KRT72: variants seen among roughly 807,000 people sequenced by gnomAD.
KRT72 encodes the protein keratin, type II cytoskeletal 72.
A neutral mutation model predicts 44.7 loss-of-function variants in KRT72; 44 were observed. The ratio of observed to expected loss-of-function variants is 0.98; its 90% CI spans 0.77 to 1.27. KRT72 has a LOEUF of 1.27. Ranked by LOEUF, KRT72 falls within the 50% of genes most tolerant of loss-of-function variation. KRT72 has a pLI of 0.00. For synonymous variants in KRT72, 302 were observed against 280.4 expected (o/e 1.08, Z -0.77); for missense variants, 736 against 667.1 (o/e 1.10, Z -1.14).
chr12:52,598,595 G>C (rs899169411), intron 2 of KRT72, among the ~76,000 whole-genome samples: 1 of 152,078 alleles, frequency 6.6e-6, no homozygotes, highest in Non-Finnish European at 1.5e-5. Flanking sequence ...TACATTCTGG[G>C]AACTGCCATG....
intron 6 of KRT72, 142 bp downstream of exon 6, chr12:52,590,694 C>T: frequency 1.3e-6 from 1 of 755,282 alleles, no homozygotes; most frequent in Admixed American, 2.7e-5. Context: ...TTTATCCCTC[C>T]ATATCTGTTC....
chr12:52,599,337 T>C (rs574503746), intron 1 of KRT72: 3 of 611,706 alleles, frequency 4.9e-6, no homozygotes, highest in African/African-American at 3.6e-5. Flanking sequence ...TAAGCAATGG[T>C]ACCATCTGCC....
At chr12:52,586,193 C>A (rs1170518548) in intron 8 of KRT72, 21 bp from the exon 9 acceptor site, 1 of 1,602,758 alleles carries the variant, frequency 6.2e-7, no homozygotes, top group Admixed American at 1.7e-5. Context: ...TGAGAGAAGA[C>A]CTCAGCCCCC....
intron 2 of KRT72, among the ~76,000 whole-genome samples, chr12:52,594,623 G>C (rs1352957388): frequency 7.0e-6 from 1 of 142,016 alleles, no homozygotes; most frequent in Non-Finnish European, 1.5e-5. Flanking sequence ...TGGGGGGAGG[G>C]ATAGCATTGG....
In KRT72 at chr12:52,601,211, CTGCCGAAGGCGG is replaced by C; in HGVS notation, c.230_241del (p.Thr77_Gly80del). ...GGGACACTTGGGCCCCAGCCCGGCGCTGCCGAAGGCGGTGCCCACGAAGCCGCCCAGGCGGCC... is the reference window on the plus strand; with the variant it reads ...GGGACACTTGGGCCCCAGCCCGGCGCTGCCCACGAAGCCGCCCAGGCGGCC... On this transcript the variant is annotated inframe_deletion, in exon 1 of 9. Coordinates refer to ENST00000293745, the MANE Select transcript of KRT72 (RefSeq NM_080747.3). 1.2e-6 allele frequency: 2 copies of C among 1,608,598 alleles called. No homozygotes were observed. The highest frequency in any genetic ancestry group is 8.5e-7 in the Non-Finnish European group (1 of 1,177,372).
upstream of KRT72, among the ~76,000 whole-genome samples, chr12:52,602,249 C>T (rs149149768): frequency 1.7e-3 from 255 of 152,288 alleles, no homozygotes; most frequent in African/African-American, 5.8e-3. Flanking sequence ...CTAAGGCTTT[C>T]GGTTGTTTTC....
Position 52,590,935 on chromosome 12 carries a change from G to A in KRT72, c.990C>T (p.Gly330=). The change falls in exon 6 of 9, where the codon GGC becomes GGT. Residue 330 remains glycine, a synonymous_variant. Transcript: ENST00000293745. ...TKIQELQVTA[G]QHGDDLKLTK... ...TGAGCTTGAGGTCATCCCCATGCTG[G>A]CCTGCTGTGACCTGCAGCTCCTGGA... The A allele has an allele frequency of 6.2e-7, 1 of 1,602,914 alleles. No individual in the cohort carries two copies. Among genetic ancestry groups the A allele is most frequent in the Non-Finnish European group, 8.5e-7 (1 of 1,172,240 alleles).
chr12:52,593,041 G>A, intron 2 of KRT72, 89 bp from the exon 3 acceptor site: 2 of 1,243,096 alleles, frequency 1.6e-6, no homozygotes, highest in East Asian at 2.6e-5. Context: ...GCTGCAGGGT[G>A]GGGGTCTTCA....
chr12:52,595,960 G>A (rs1241986458), intron 2 of KRT72, among the ~76,000 whole-genome samples: 1 of 152,194 alleles, frequency 6.6e-6, no homozygotes, highest in Non-Finnish European at 1.5e-5. Context: ...ATTGTCAGCT[G>A]ACAGATGGTT....
chr12:52,590,699 C>T, intron 6 of KRT72, 137 bp downstream of exon 6: 3 of 799,260 alleles, frequency 3.8e-6, no homozygotes, highest in Non-Finnish European at 5.6e-6. Context: ...CCCTCCATAT[C>T]TGTTCAGATC....
Position 52,601,291 on chromosome 12 carries a change from G to T in KRT72, c.162C>A (p.Gly54=). Residue 54 remains glycine (G), a synonymous_variant, in exon 1 of 9, where the codon GGC becomes GGA. Transcript: ENST00000293745. The stretch of plus-strand genomic sequence containing the variant: ...CAGCGCTGAGCGCCAGGCTTCGGCT[G>T]CCCCCAAGGCAGGAGAGGCTCTTGC... ...FGSKSLSCLG[G]SRSLALSAAA... The T allele has an allele frequency of 6.5e-7, 1 of 1,549,668 alleles. No individual in the cohort carries two copies. The highest frequency in any genetic ancestry group is 8.7e-7 in the Non-Finnish European group (1 of 1,148,170).
Position 52,591,609 on chromosome 12 carries a change from G to A in KRT72, c.818C>T (p.Ser273Phe). The change falls in exon 5 of 9, where the codon TCC (serine) becomes TTC (phenylalanine). Residue 273 changes from serine (S) to phenylalanine (F), a missense_variant. Coordinates refer to ENST00000293745, the MANE Select transcript of KRT72 (RefSeq NM_080747.3). ...GACGATGGACGTGTCGCTGATGTGG[G>A]ACTGGATCTGAGTGATCTCCTGGGG... Reference protein sequence around the residue: ...LYEGEITQIQSHISDTSIVLS... With the variant: ...LYEGEITQIQFHISDTSIVLS... 1.9e-6 allele frequency: 3 copies of A among 1,613,262 alleles called. No homozygotes were observed. The highest frequency in any genetic ancestry group is 1.7e-6 in the Non-Finnish European group (2 of 1,179,282).
In KRT72 at chr12:52,599,085, C is replaced by T. The variant is rs1302983584; in HGVS notation, c.454G>A (p.Val152Met). 4 of 1,614,162 alleles carry T rather than the reference C, an allele frequency of 2.5e-6. No individual in the cohort carries two copies. Among genetic ancestry groups the T allele is most frequent in the Admixed American group, 1.7e-5 (1 of 60,026 alleles). ...KVRFLEQQNQ[V>M]LETKWNLLQQ... The stretch of plus-strand genomic sequence containing the variant: ...AGGAGGTTCCACTTGGTCTCTAGCA[C>T]CTGATTCTGCTGCTCCAGGAACCGC... The change falls in exon 2 of 9, where the codon GTG becomes ATG. Residue 152 changes from valine (V) to methionine (M), a missense_variant. Transcript: ENST00000293745.
At chr12:52,588,248 C>A (rs1410164900) in intron 6 of KRT72, among the ~76,000 whole-genome samples, 1 of 152,192 alleles carries the variant, frequency 6.6e-6, no homozygotes, top group African/African-American at 2.4e-5. Flanking sequence ...TTTAGGAGAT[C>A]CCATAAATCA....
rs1939826945 is a variant in KRT72 at position 52,587,664 on chromosome 12, G to A, written c.1277C>T (p.Thr426Ile). The A allele has an allele frequency of 2.5e-6, 4 of 1,614,192 alleles. No individual in the cohort carries two copies. Among genetic ancestry groups the A allele is most frequent in the Non-Finnish European group, 3.4e-6 (4 of 1,180,040 alleles). The change falls in exon 7 of 9, where the codon ACC becomes ATC. Residue 426 changes from threonine (T) to isoleucine (I), a missense_variant. By Grantham distance (89) the Thr-to-Ile change is moderately conservative. Coordinates refer to ENST00000293745, the MANE Select transcript of KRT72 (RefSeq NM_080747.3). Reference sequence around the variant, plus strand: ...CTCGCTCTCCAGCAGCTTGCGGTAGGTGGCGATCTCCATATCCAGGGCCAG... The same window carrying A: ...CTCGCTCTCCAGCAGCTTGCGGTAGATGGCGATCTCCATATCCAGGGCCAG... ...LKLALDMEIA[T>I]YRKLLESEEC...
chr12:52,601,203 G>T lies in KRT72; in HGVS notation c.250C>A (p.Leu84Met). ...CACACGGAGGGACACTTGGGCCCCA[G>T]CCCGGCGCTGCCGAAGGCGGTGCCC... ...FVGTAFGSAG[L>M]GPKCPSVCPP... is the part of the protein sequence containing the mutation. Residue 84 changes from leucine (L) to methionine (M), a missense_variant, in exon 1 of 9, where the codon CTG (leucine) becomes ATG (methionine). Transcript: ENST00000293745. 3.1e-6 allele frequency: 5 copies of T among 1,610,674 alleles called. No homozygotes were observed. The highest frequency in any genetic ancestry group is 4.2e-6 in the Non-Finnish European group (5 of 1,178,370).
upstream of KRT72, among the ~76,000 whole-genome samples, chr12:52,602,092 G>A (rs1189235026): frequency 6.6e-6 from 1 of 152,152 alleles, no homozygotes; most frequent in Non-Finnish European, 1.5e-5. Flanking sequence ...CACAAGTGTT[G>A]AGGGTTGACT....
At position 52,587,823 on chromosome 12, in the gene KRT72, T is replaced by C. The variant is rs369224848; in HGVS notation, c.1118A>G (p.Asp373Gly). 8.1e-6 allele frequency: 13 copies of C among 1,614,076 alleles called. No individual in the cohort carries two copies. The highest frequency in any genetic ancestry group is 1.3e-5 in the African/African-American group (1 of 75,042). ...GGCGCAGTCCCCCCGCTGTTCAGCG[T>C]CGGCGATGGCCGTCTCCAGATCGGC... Reference protein sequence around the residue: ...QCADLETAIADAEQRGDCALK... With the variant: ...QCADLETAIAGAEQRGDCALK... The change falls in exon 7 of 9, where the codon GAC becomes GGC. Residue 373 changes from aspartate (D) to glycine (G), a missense_variant. Physicochemically the swap from Asp to Gly is moderately conservative, Grantham distance 94 (BLOSUM62 -1). Transcript: ENST00000293745.
intron 3 of KRT72, 100 bp downstream of exon 3, chr12:52,592,792 G>T: frequency 1.0e-6 from 1 of 1,003,748 alleles, no homozygotes; most frequent in Non-Finnish European, 1.5e-6. Context: ...CTGCCCAAGG[G>T]ACTGAGTGAC....
Sources: gnomAD v4.1 joint callset for allele counts (sites outside exome capture counted in the v4.1 genomes callset) on GRCh38, gnomAD v4.1.1 for gene constraint, MANE v1.5 for transcripts, NCBI Gene and HGNC (gene_info 2026-07-23, HGNC 2026-07-21) for gene names.